Variants in CCL28 observed in about 807,000 individuals in gnomAD.
CCL28 encodes C-C motif chemokine ligand 28, also known as C-C motif chemokine 28.
CCL28 carries 4 observed loss-of-function variants against 7.1 expected under a neutral mutation model. The observed-to-expected ratio is 0.56, with a 90% CI of 0.28 to 1.29. The LOEUF (loss-of-function observed/expected upper bound fraction) is 1.29. Among genes scored for constraint, CCL28 ranks in the 50% most tolerant of loss-of-function variants. The pLI, the probability that CCL28 is intolerant of heterozygous loss-of-function variation, is 0.11. For synonymous variants in CCL28, 55 were observed against 57.8 expected, an observed-to-expected ratio of 0.95 and a Z score of 0.22; for missense variants, 151 against 163.4, an observed-to-expected ratio of 0.92 and a Z score of 0.41.
intron 1 of CCL28, among the ~76,000 whole-genome samples, chr5:43,407,523 C>T (rs1452803269): frequency 1.3e-5 from 2 of 152,144 alleles, no homozygotes; most frequent in African/African-American, 2.4e-5. Context: ...AGTGTTAGAC[C>T]AAAAACCATG....
chr5:43,406,433 G>A (rs1448086956), intron 1 of CCL28, among the ~76,000 whole-genome samples: 2 of 152,052 alleles, frequency 1.3e-5, no homozygotes, highest in African/African-American at 2.4e-5. Context: ...AAAGGCCTTT[G>A]ACAAAATTCA....
the CCL28 span, among the ~76,000 whole-genome samples, chr5:43,359,627 C>A: frequency 2.0e-5 from 3 of 152,142 alleles, no homozygotes; most frequent in African/African-American, 7.2e-5. Context: ...GATTTGGGGG[C>A]CTGTTCCCAA....
At chr5:43,357,749 T>A in the CCL28 span, among the ~76,000 whole-genome samples, 1 of 151,962 alleles carries the variant, frequency 6.6e-6, no homozygotes. Flanking sequence ...CCAAATCCAA[T>A]CTAAATCAAT....
At chr5:43,373,305 G>A (rs890047004), downstream of CCL28, among the ~76,000 whole-genome samples, 13 of 151,036 alleles carry the variant, frequency 8.6e-5, no homozygotes, top group Non-Finnish European at 1.9e-4. Flanking sequence ...CTTGATTTTT[G>A]TGTGTGTGTG....
chr5:43,383,516 T>C (rs970152891), intron 2 of CCL28, among the ~76,000 whole-genome samples: 3 of 152,132 alleles, frequency 2.0e-5, no homozygotes, highest in Admixed American at 2.0e-4. Flanking sequence ...GAATATTAAT[T>C]TGAAAGAAGT....
chr5:43,364,111 T>A, the CCL28 span, among the ~76,000 whole-genome samples: 1 of 152,228 alleles, frequency 6.6e-6, no homozygotes, highest in Non-Finnish European at 1.5e-5. Flanking sequence ...TTCTGCTTTT[T>A]AAAAAGTGAA....
rs367807991 is a variant in CCL28, at chr5:43,379,352, T to C, written c.*2508A>G. 1.3e-4 allele frequency: 20 copies of C among 152,308 alleles called. No homozygotes were observed. The East Asian group carries it at 1.9e-3, about 15-fold the overall frequency. 9.4% of individuals were successfully genotyped at this position (152,308 alleles called of 1,614,324 possible). The stretch of plus-strand genomic sequence containing the variant: ...ACGGTTAATTAATTTAAAATTGTGG[T>C]TTATTAATATTTTAAGTTACTCTCA... On this transcript the variant is annotated 3_prime_UTR_variant, in exon 3 of 3. Coordinates refer to ENST00000361115, the MANE Select transcript of CCL28 (RefSeq NM_148672.3).
intron 2 of CCL28, among the ~76,000 whole-genome samples, chr5:43,385,769 G>C (rs1740311269): frequency 6.6e-6 from 1 of 152,204 alleles, no homozygotes; most frequent in Non-Finnish European, 1.5e-5. Flanking sequence ...AATATTTTTA[G>C]ATCCAACTGA....
rs1486667117 is a variant in CCL28 at position 43,381,806 on chromosome 5, A to G, written c.*54T>C. 4 of 1,436,366 alleles carry G rather than the reference A, an allele frequency of 2.8e-6. No homozygotes were observed. The highest frequency in any genetic ancestry group is 1.4e-5 in the African/African-American group (1 of 70,780). 89.0% of individuals were successfully genotyped at this position (1,436,366 alleles called of 1,614,324 possible). A position where few individuals can be genotyped will look rare whatever the true frequency, so the allele number is the denominator to read the frequency against. The stretch of plus-strand genomic sequence containing the variant: ...AATTCAGATGATAAACTTACAACCA[A>G]TCATGGCCAAGTCCACTTGAGGAAT... On this transcript the variant is annotated 3_prime_UTR_variant, in exon 3 of 3. Transcript: ENST00000361115.
At chr5:43,370,682 AATCCCATG>A in the CCL28 span, among the ~76,000 whole-genome samples, 1 of 151,522 alleles carries the variant, frequency 6.6e-6, no homozygotes, top group African/African-American at 2.4e-5. Context: ...ACAGAATATG[AATCCCATG>A]TCCTCTGGAT....
At chr5:43,363,546 T>C in the CCL28 span, among the ~76,000 whole-genome samples, 2 of 152,216 alleles carry the variant, frequency 1.3e-5, no homozygotes, top group African/African-American at 4.8e-5. Flanking sequence ...AATCACTCAC[T>C]GAAGTAGAAA....
intron 1 of CCL28, among the ~76,000 whole-genome samples, chr5:43,402,783 G>T (rs560024492): frequency 1.3e-5 from 2 of 152,338 alleles, no homozygotes; most frequent in East Asian, 3.9e-4. Context: ...GTGACAGACA[G>T]TACCTGGAAA....
intron 1 of CCL28, among the ~76,000 whole-genome samples, chr5:43,406,304 C>T (rs1483996450): frequency 5.3e-5 from 8 of 152,208 alleles, no homozygotes; most frequent in Non-Finnish European, 1.0e-4. Context: ...CCACCATGAT[C>T]AAGTGGGCTT....
intron 2 of CCL28, among the ~76,000 whole-genome samples, chr5:43,387,834 C>T (rs932940368): frequency 3.9e-5 from 6 of 152,140 alleles, no homozygotes; most frequent in Admixed American, 6.5e-5. Context: ...CCATGTTGCC[C>T]AGGCTGGTCT....
downstream of CCL28, among the ~76,000 whole-genome samples, chr5:43,379,041 G>A (rs114141685): frequency 1.3e-3 from 197 of 152,234 alleles, 1 homozygote; most frequent in Admixed American, 4.1e-3. Flanking sequence ...AATTATTTGC[G>A]TGGCAGAAAA....
chr5:43,368,352 T>TA, the CCL28 span, among the ~76,000 whole-genome samples: 2 of 152,202 alleles, frequency 1.3e-5, no homozygotes, highest in African/African-American at 4.8e-5. Context: ...TCTCTAATAA[T>TA]AAAACAACAA....
the CCL28 span, among the ~76,000 whole-genome samples, chr5:43,362,214 C>G: frequency 1.3e-5 from 2 of 151,952 alleles, no homozygotes; most frequent in Non-Finnish European, 2.9e-5. Context: ...CTTTCACCTC[C>G]CTTGTATTCC....
At chr5:43,400,764 T>C (rs1740994292) in intron 1 of CCL28, among the ~76,000 whole-genome samples, 2 of 152,150 alleles carry the variant, frequency 1.3e-5, no homozygotes, top group Non-Finnish European at 2.9e-5. Flanking sequence ...ACTTAGCTGC[T>C]AGCAGTGTCT....
chr5:43,399,854 T>C (rs930893164), intron 1 of CCL28, among the ~76,000 whole-genome samples: 2 of 151,850 alleles, frequency 1.3e-5, no homozygotes, highest in African/African-American at 2.4e-5. Flanking sequence ...CTTTTCTTTT[T>C]TTTTTTTTTG....
Sources: gnomAD v4.1 joint callset for allele counts (sites outside exome capture counted in the v4.1 genomes callset) on GRCh38, gnomAD v4.1.1 for gene constraint, MANE v1.5 for transcripts, NCBI Gene and HGNC (gene_info 2026-07-23, HGNC 2026-07-21) for gene names.